The following AFF3 variants were observed in gnomAD, a reference collection of about 807,000 sequenced individuals.
The protein encoded by AFF3 is ALF transcription elongation factor 3.
Under a neutral mutation model 129.7 loss-of-function variants are expected in AFF3, and 32 were observed. The observed-to-expected ratio is 0.25, with a 90% CI of 0.19 to 0.33. AFF3 has a LOEUF of 0.33. Ranked by LOEUF, AFF3 falls within the 10% of genes least tolerant of loss-of-function variation. AFF3 has a pLI of 1.00. For synonymous variants in AFF3, 644 were observed against 635.4 expected (o/e 1.01, Z -0.20); for missense variants, 1,373 against 1,592.0 (o/e 0.86, Z 2.34).
intron 8 of AFF3, among the ~76,000 whole-genome samples, chr2:99,818,293 A>C (rs1190881572): frequency 1.3e-5 from 2 of 152,230 alleles, no homozygotes; most frequent in Admixed American, 1.3e-4. Context: ...AGAGATACTC[A>C]AATCATTAAA....
In AFF3 at chr2:99,840,073, T is replaced by G. The variant is rs1689207162; in HGVS notation, c.874-2549A>C. ...GTATATTCTGGATATCAGAAGACTC[T>G]TAGCAGATATATGATTTACAAATAT... is the stretch of plus-strand genomic sequence containing the variant. On this transcript the variant is annotated intron_variant, in intron 7 of 24. Coordinates refer to ENST00000672756, the MANE Select transcript of AFF3 (RefSeq NM_001386135.1). Among the ~76,000 whole-genome samples the G allele has an allele frequency of 2.0e-5, 3 of 152,246 alleles. No homozygotes were observed. In the South Asian group the frequency reaches 6.2e-4, roughly 32 times the overall value.
At chr2:99,847,276 A>G (rs1276618487) in intron 7 of AFF3, among the ~76,000 whole-genome samples, 1 of 151,904 alleles carries the variant, frequency 6.6e-6, no homozygotes. Context: ...CCTGGGTTCC[A>G]GCAATTCTCC....
intron 13 of AFF3, among the ~76,000 whole-genome samples, chr2:99,609,581 T>C (rs1187167948): frequency 6.6e-6 from 1 of 152,246 alleles, no homozygotes; most frequent in East Asian, 1.9e-4. Flanking sequence ...CATGACTGAA[T>C]AGTATTCCAT....
At chr2:100,057,320 CAAAAAAAAAAA>C (rs57672976) in intron 4 of AFF3, among the ~76,000 whole-genome samples, 16 of 55,058 alleles carry the variant, frequency 2.9e-4, no homozygotes, top group African/African-American at 1.1e-3. Flanking sequence ...GACTCTGTCT[CAAAAAAAAAAA>C]AAAAAAAAAA....
At chr2:99,869,954 A>AG (rs1230242833) in intron 7 of AFF3, among the ~76,000 whole-genome samples, 1 of 152,218 alleles carries the variant, frequency 6.6e-6, no homozygotes, top group African/African-American at 2.4e-5. Flanking sequence ...CCAGACACAA[A>AG]GGACCTAGCA....
At chr2:99,754,716 T>A (rs906989585) in intron 8 of AFF3, among the ~76,000 whole-genome samples, 1 of 152,206 alleles carries the variant, frequency 6.6e-6, no homozygotes, top group African/African-American at 2.4e-5. Context: ...AAGAGTGGAA[T>A]AGCAGACAAA....
chr2:99,648,895 A>ACG (rs1177424690), intron 13 of AFF3, among the ~76,000 whole-genome samples: 1 of 65,154 alleles, frequency 1.5e-5, no homozygotes, highest in African/African-American at 4.3e-5. Context: ...GCACACACAC[A>ACG]CACACACACA....
chr2:99,622,974 C>T (rs1682178690), intron 13 of AFF3, among the ~76,000 whole-genome samples: 1 of 152,086 alleles, frequency 6.6e-6, no homozygotes, highest in Non-Finnish European at 1.5e-5. Context: ...TGCTTTTTTC[C>T]ACTGCAGAAA....
intron 7 of AFF3, among the ~76,000 whole-genome samples, chr2:99,979,092 G>A (rs1295905439): frequency 2.8e-5 from 4 of 140,390 alleles, no homozygotes; most frequent in African/African-American, 1.0e-4. Flanking sequence ...TATAAATAGG[G>A]CATATTGTAT....
At chr2:99,833,831 C>T (rs1576133919) in intron 8 of AFF3, among the ~76,000 whole-genome samples, 1 of 152,160 alleles carries the variant, frequency 6.6e-6, no homozygotes, top group East Asian at 1.9e-4. Flanking sequence ...GCCTTCTAGC[C>T]CTGATCGCCC....
intron 7 of AFF3, among the ~76,000 whole-genome samples, chr2:99,954,875 C>T (rs1676490384): frequency 6.6e-6 from 1 of 151,104 alleles, no homozygotes; most frequent in Non-Finnish European, 1.5e-5. Flanking sequence ...TATAACTAAC[C>T]TGCGCATTGT....
chr2:99,919,357 T>C (rs1695701689), intron 7 of AFF3, among the ~76,000 whole-genome samples: 1 of 152,116 alleles, frequency 6.6e-6, no homozygotes, highest in Non-Finnish European at 1.5e-5. Context: ...TATGCCCTCT[T>C]GTCTATATAT....
intron 7 of AFF3, among the ~76,000 whole-genome samples, chr2:99,884,816 G>A (rs1000341547): frequency 2.6e-5 from 4 of 152,200 alleles, no homozygotes; most frequent in African/African-American, 9.7e-5. Context: ...TCCCAGAGGA[G>A]ACACATTCTG....
intron 8 of AFF3, among the ~76,000 whole-genome samples, chr2:99,780,132 C>T (rs1042400755): frequency 6.6e-5 from 10 of 152,146 alleles, no homozygotes; most frequent in African/African-American, 2.2e-4. Flanking sequence ...AACACTCTCC[C>T]TTGACCTCAC....
chr2:99,919,319 G>C (rs925637859), intron 7 of AFF3, among the ~76,000 whole-genome samples: 1 of 151,934 alleles, frequency 6.6e-6, no homozygotes, highest in South Asian at 2.1e-4. Context: ...TCACATTTCA[G>C]ATGAATTTAA....
chr2:100,035,312 G>A (rs765363082), intron 4 of AFF3, among the ~76,000 whole-genome samples: 8 of 152,150 alleles, frequency 5.3e-5, no homozygotes, highest in Non-Finnish European at 8.8e-5. Context: ...TAAAGAAATC[G>A]TCACTGACTT....
intron 7 of AFF3, among the ~76,000 whole-genome samples, chr2:99,862,582 T>A (rs984294597): frequency 6.6e-6 from 1 of 152,262 alleles, no homozygotes; most frequent in African/African-American, 2.4e-5. Context: ...GTGGTCCTGA[T>A]GTTGGCCCAA....
At position 100,137,122 on chromosome 2, in the gene AFF3, G is replaced by A. The variant is rs57426399; in HGVS notation, c.-228+5362C>T. On this transcript the variant is annotated intron_variant, in intron 1 of 24. Coordinates refer to ENST00000672756, the MANE Select transcript of AFF3 (RefSeq NM_001386135.1). ...TTGCAACACCTTTATTATTTTCACC[G>A]CGTGGGATCCCACATGTATGAAGTT... is the stretch of plus-strand genomic sequence containing the variant. Among the ~76,000 whole-genome samples the A allele has an allele frequency of 1.6e-3, 240 of 151,988 alleles. 1 individual carries two copies. Among genetic ancestry groups the A allele is most frequent in the African/African-American group, 5.2e-3 (216 of 41,442 alleles).
chr2:99,932,100 C>G (rs1324426663), intron 7 of AFF3, among the ~76,000 whole-genome samples: 2 of 152,202 alleles, frequency 1.3e-5, no homozygotes, highest in Non-Finnish European at 2.9e-5. Context: ...TGGTATAGAT[C>G]AAGCTTGTCC....
Sources: gnomAD v4.1 joint callset for allele counts (sites outside exome capture counted in the v4.1 genomes callset) on GRCh38, gnomAD v4.1.1 for gene constraint, MANE v1.5 for transcripts, NCBI Gene and HGNC (gene_info 2026-07-23, HGNC 2026-07-21) for gene names.